Variants in UNC80 observed in about 807,000 individuals in gnomAD.
The protein encoded by UNC80 is protein unc-80 homolog.
A neutral mutation model predicts 384.6 loss-of-function variants in UNC80; 164 were observed. The ratio of observed to expected loss-of-function variants is 0.43; its 90% CI spans 0.38 to 0.49. UNC80 has a LOEUF of 0.49. Ranked by LOEUF, UNC80 falls within the 20% of genes least tolerant of loss-of-function variation. UNC80 has a pLI of 0.00. For synonymous variants in UNC80, 1,486 were observed against 1,527.8 expected (o/e 0.97, Z 0.64); for missense variants, 3,330 against 4,143.0 (o/e 0.80, Z 5.39).
intron 62 of UNC80, among the ~76,000 whole-genome samples, chr2:209,992,450 A>G (rs2125032830): frequency 6.6e-6 from 1 of 152,274 alleles, no homozygotes; most frequent in Admixed American, 6.5e-5. Context: ...TCTCTAAAAA[A>G]CTAACTAAAT....
intron 28 of UNC80, among the ~76,000 whole-genome samples, chr2:209,903,403 T>TTA (rs1158107969): frequency 8.3e-6 from 1 of 120,080 alleles, no homozygotes; most frequent in Non-Finnish European, 1.6e-5. Context: ...TATATATATA[T>TTA]TATATATATA....
intron 64 of UNC80, 54 bp downstream of exon 64, chr2:209,994,318 C>A: frequency 6.9e-7 from 1 of 1,456,782 alleles, no homozygotes; most frequent in Non-Finnish European, 9.2e-7. Flanking sequence ...TTACTTCTAG[C>A]AGCCACTTGG....
intron 23 of UNC80, among the ~76,000 whole-genome samples, chr2:209,873,475 T>C (rs749054769): frequency 2.2e-4 from 34 of 152,164 alleles, no homozygotes; most frequent in Non-Finnish European, 3.4e-4. Flanking sequence ...CCTTTGGAAA[T>C]TGCACTCACA....
At position 209,896,370 on chromosome 2, in the gene UNC80, C is replaced by T; in HGVS notation, c.4538C>T (p.Ala1513Val). The change falls in exon 28 of 65, where the codon GCC becomes GTC. Residue 1513 changes from alanine to valine, a missense_variant. Transcript: ENST00000673920. Reference protein sequence around the residue: ...PSIEPEGMSNAGAEENYHRNM... With the variant: ...PSIEPEGMSNVGAEENYHRNM... ...ATTGAGCCAGAGGGAATGAGTAATGCCGGCGCGGAGGAGAATTACCACAGA... is the reference window on the plus strand; with the variant it reads ...ATTGAGCCAGAGGGAATGAGTAATGTCGGCGCGGAGGAGAATTACCACAGA... 1 of 1,551,518 alleles carries T rather than the reference C, an allele frequency of 6.4e-7. No homozygotes were observed. The highest frequency in any genetic ancestry group is 1.2e-5 in the South Asian group (1 of 84,050).
chr2:209,854,731 C>G (rs2082771831), intron 22 of UNC80, among the ~76,000 whole-genome samples: 1 of 151,962 alleles, frequency 6.6e-6, no homozygotes, highest in Admixed American at 6.6e-5. Context: ...AAATACAAAT[C>G]AAAACTACAA....
chr2:209,908,027 T>A (rs1327573495), intron 29 of UNC80, among the ~76,000 whole-genome samples: 2 of 152,242 alleles, frequency 1.3e-5, no homozygotes, highest in African/African-American at 4.8e-5. Flanking sequence ...GCTAAAAAGA[T>A]GAATTGACTC....
intron 29 of UNC80, among the ~76,000 whole-genome samples, chr2:209,909,119 ATC>A (rs1356144043): frequency 6.6e-6 from 1 of 152,054 alleles, no homozygotes. Context: ...CTTGTTTGTC[ATC>A]TGTCTTTCCT....
intron 22 of UNC80, among the ~76,000 whole-genome samples, chr2:209,852,804 G>C (rs2082625799): frequency 6.6e-6 from 1 of 151,982 alleles, no homozygotes; most frequent in South Asian, 2.1e-4. Flanking sequence ...TGTTTCCTTT[G>C]TATTTGGTTT....
At chr2:209,844,468 T>C (rs372317139) in intron 21 of UNC80, among the ~76,000 whole-genome samples, 9,588 of 67,852 alleles carry the variant, frequency 0.14, 869 homozygotes, top group South Asian at 0.33. Context: ...TCTTTCTTTC[T>C]TTCTTTCTTT....
At chr2:209,977,501 G>A (rs2093043103) in intron 58 of UNC80, among the ~76,000 whole-genome samples, 1 of 152,042 alleles carries the variant, frequency 6.6e-6, no homozygotes. Flanking sequence ...TACCTTCAAG[G>A]TATATAATTG....
chr2:209,969,482 T>G, intron 52 of UNC80: 1 of 422,922 alleles, frequency 2.4e-6, no homozygotes, highest in South Asian at 3.5e-5. Context: ...ATGGTAGTCT[T>G]AGGACCCTCT....
chr2:209,885,532 A>T (rs1181979045), intron 25 of UNC80, among the ~76,000 whole-genome samples: 1 of 152,160 alleles, frequency 6.6e-6, no homozygotes, highest in Non-Finnish European at 1.5e-5. Flanking sequence ...CCCTCATTAG[A>T]TTTGGCTACC....
chr2:209,918,808 TAGAG>T (rs1475667720), intron 33 of UNC80, 145 bp downstream of exon 33: 39 of 1,021,920 alleles, frequency 3.8e-5, no homozygotes, highest in Admixed American at 9.4e-5. Context: ...GTGAATATAA[TAGAG>T]AGAATAATAT....
At chr2:209,918,841 A>G in intron 33 of UNC80, among the ~76,000 whole-genome samples, 178 bp downstream of exon 33, 1 of 152,214 alleles carries the variant, frequency 6.6e-6, no homozygotes, top group East Asian at 1.9e-4. Flanking sequence ...GAGTACTTGC[A>G]GATCTCAAAA....
At position 209,909,846 on chromosome 2, in the gene UNC80, C is replaced by A. The variant is rs1428912004; in HGVS notation, c.4783-2714C>A. Among the ~76,000 whole-genome samples, 8 of 152,024 alleles carry A rather than the reference C, an allele frequency of 5.3e-5. 1 individual carries two copies. The South Asian group carries it at 1.7e-3, about 31-fold the overall frequency. ...AGCAGGGATTCCCAAGTATCCCTGA[C>A]AGAGCATGAGGCTGCATAACTGCCT... On this transcript the variant is annotated intron_variant, in intron 29 of 64. Coordinates refer to ENST00000673920, the MANE Select transcript of UNC80 (RefSeq NM_001371986.1).
intron 22 of UNC80, among the ~76,000 whole-genome samples, chr2:209,865,908 G>C (rs2083714922): frequency 6.6e-6 from 1 of 152,018 alleles, no homozygotes; most frequent in Non-Finnish European, 1.5e-5. Context: ...TGTATTTATA[G>C]GCTGACATTT....
intron 22 of UNC80, among the ~76,000 whole-genome samples, chr2:209,865,584 GAAAA>G (rs775839043): frequency 1.7e-5 from 2 of 119,122 alleles, no homozygotes; most frequent in African/African-American, 6.2e-5. Context: ...CTCCGTCTCA[GAAAA>G]AAAAAAAAAA....
Position 209,967,534 on chromosome 2 carries a change from C to A in UNC80, c.7903C>A (p.Pro2635Thr). 1 of 1,551,564 alleles carries A rather than the reference C, an allele frequency of 6.4e-7. No homozygotes were observed. Among genetic ancestry groups the A allele is most frequent in the East Asian group, 2.4e-5 (1 of 40,922 alleles). ...GLRRYIMEML[P>T]ITDWTAEAVR... ...TCGGCGCTACATCATGGAGATGCTA[C>A]CCATTACTGACTGGACAGCTGAGGC... Residue 2635 changes from proline (P) to threonine (T), a missense_variant, in exon 52 of 65, where the codon CCC becomes ACC. Physicochemically the swap from Pro to Thr is conservative, Grantham distance 38 (BLOSUM62 -1). Coordinates refer to ENST00000673920, the MANE Select transcript of UNC80 (RefSeq NM_001371986.1).
In UNC80 at chr2:209,922,245, T is replaced by C; in HGVS notation, c.5531-7T>C. On this transcript the variant is annotated splice_polypyrimidine_tract_variant and splice_region_variant and intron_variant, in intron 34 of 64. Transcript: ENST00000673920. The stretch of plus-strand genomic sequence containing the variant: ...CCAAAGTTCACATTCCCCATTTTGT[T>C]TGCCAGTAGAAGAAGTCACCAATCT... The C allele has an allele frequency of 6.4e-7, 1 of 1,552,014 alleles. No homozygotes were observed. Among genetic ancestry groups the C allele is most frequent in the Non-Finnish European group, 8.7e-7 (1 of 1,146,938 alleles).
Sources: gnomAD v4.1 joint callset for allele counts (sites outside exome capture counted in the v4.1 genomes callset) on GRCh38, gnomAD v4.1.1 for gene constraint, MANE v1.5 for transcripts, NCBI Gene and HGNC (gene_info 2026-07-23, HGNC 2026-07-21) for gene names.